The following EXOC4 variants were observed in gnomAD, a reference collection of about 807,000 sequenced individuals.
EXOC4 encodes the protein SEC8-like 1.
EXOC4 carries 71 observed loss-of-function variants against 107.2 expected under a neutral mutation model. The observed-to-expected ratio is 0.66, with a 90% CI of 0.55 to 0.81. EXOC4 has a LOEUF of 0.81. Among genes scored for constraint, EXOC4 ranks in the 30% least tolerant of loss-of-function variants. The probability of loss-of-function intolerance (pLI) is 0.00; values close to 1 mark genes in which losing one functional copy is unlikely to be tolerated. For synonymous variants in EXOC4, 456 were observed against 441.2 expected, an observed-to-expected ratio of 1.03 and a Z score of -0.42; for missense variants, 1,108 against 1,189.6, an observed-to-expected ratio of 0.93 and a Z score of 1.01.
intron 11 of EXOC4, among the ~76,000 whole-genome samples, chr7:133,851,386 G>A (rs1020094558): frequency 2.0e-5 from 3 of 152,214 alleles, no homozygotes; most frequent in African/African-American, 4.8e-5. Flanking sequence ...GCCTTGCTAT[G>A]TTACCCCAGC....
At chr7:133,956,082 G>A (rs896326932) in intron 14 of EXOC4, among the ~76,000 whole-genome samples, 16 of 152,212 alleles carry the variant, frequency 1.1e-4, no homozygotes, top group African/African-American at 2.9e-4. Flanking sequence ...GCCTGGGTCC[G>A]CAGCTGCAAC....
At chr7:133,566,582 C>G (rs1800910583) in intron 9 of EXOC4, among the ~76,000 whole-genome samples, 1 of 152,102 alleles carries the variant, frequency 6.6e-6, no homozygotes, top group Non-Finnish European at 1.5e-5. Flanking sequence ...GTTTTTGTGA[C>G]TAAGAAACAT....
At chr7:133,427,947 TGA>T (rs1454035789) in intron 7 of EXOC4, among the ~76,000 whole-genome samples, 1 of 152,230 alleles carries the variant, frequency 6.6e-6, no homozygotes. Context: ...CAGAAAAAGA[TGA>T]GAGACATAAC....
At chr7:133,770,096 C>G (rs1346643655) in intron 10 of EXOC4, among the ~76,000 whole-genome samples, 1 of 151,608 alleles carries the variant, frequency 6.6e-6, no homozygotes, top group Non-Finnish European at 1.5e-5. Context: ...TCCCCCATAG[C>G]TATTTCAGTA....
chr7:133,607,231 G>T (rs1044281080), intron 9 of EXOC4, among the ~76,000 whole-genome samples: 3 of 152,168 alleles, frequency 2.0e-5, no homozygotes, highest in African/African-American at 7.2e-5. Context: ...TAAATGGTTT[G>T]TATAGTTGAA....
In EXOC4 at chr7:133,317,292, TGAAA is replaced by T; in HGVS notation, c.668_671del (p.Lys223MetfsTer6). The T allele has an allele frequency of 6.2e-7, 1 of 1,612,560 alleles. No homozygotes were observed. The highest frequency in any genetic ancestry group is 8.5e-7 in the Non-Finnish European group (1 of 1,178,680). ...CTTCTTTTCCCGTTCAGCTCCCTCG[TGAAA>T]GATGCTTCTGTTCCTCTGATTGATG... On this transcript the variant is annotated frameshift_variant, in exon 5 of 18. Transcript: ENST00000253861. LOFTEE classifies it high-confidence loss of function.
chr7:133,747,784 C>T (rs1795709019), intron 10 of EXOC4, among the ~76,000 whole-genome samples: 1 of 152,092 alleles, frequency 6.6e-6, no homozygotes, highest in South Asian at 2.1e-4. Context: ...CTGTTGCTCC[C>T]CGCTCCTTCA....
intron 9 of EXOC4, 44 bp downstream of exon 9, chr7:133,480,182 G>C: frequency 6.2e-7 from 1 of 1,604,624 alleles, no homozygotes. Context: ...TTCTGGAGGA[G>C]TATTTCCTTT....
At chr7:133,635,513 T>A (rs1802686334) in intron 10 of EXOC4, among the ~76,000 whole-genome samples, 1 of 152,220 alleles carries the variant, frequency 6.6e-6, no homozygotes, top group Admixed American at 6.5e-5. Flanking sequence ...TGCTTGCACC[T>A]AACCAGAAGT....
chr7:133,629,517 G>GTT, intron 9 of EXOC4, among the ~76,000 whole-genome samples: 1 of 95,178 alleles, frequency 1.1e-5, no homozygotes, highest in East Asian at 3.7e-4. Flanking sequence ...TAAAAGTGCT[G>GTT]TTTTTTGTTT....
At chr7:133,934,834 C>G (rs1444669603) in intron 13 of EXOC4, among the ~76,000 whole-genome samples, 1 of 151,812 alleles carries the variant, frequency 6.6e-6, no homozygotes, top group African/African-American at 2.4e-5. Flanking sequence ...AAGGGAAATA[C>G]TGTAAATGTC....
intron 6 of EXOC4, among the ~76,000 whole-genome samples, chr7:133,358,801 C>T (rs1373028097): frequency 2.7e-5 from 4 of 150,908 alleles, no homozygotes; most frequent in African/African-American, 9.8e-5. Flanking sequence ...TTCCCCTTGC[C>T]TAAACCCCTT....
At chr7:134,059,007 G>C (rs1795993721) in intron 17 of EXOC4, among the ~76,000 whole-genome samples, 1 of 152,112 alleles carries the variant, frequency 6.6e-6, no homozygotes, top group Non-Finnish European at 1.5e-5. Flanking sequence ...ATGAGACGTA[G>C]CTGTATATTT....
chr7:133,623,438 A>G (rs1469754799), intron 9 of EXOC4, among the ~76,000 whole-genome samples: 6 of 152,212 alleles, frequency 3.9e-5, no homozygotes, highest in African/African-American at 1.2e-4. Context: ...ACTTGGTCTA[A>G]AAAGACATTC....
rs115827146 is a variant in EXOC4, at chr7:133,856,805, C to G, written c.1735-38794C>G. On this transcript the variant is annotated intron_variant, in intron 11 of 17. Coordinates refer to ENST00000253861, the MANE Select transcript of EXOC4 (RefSeq NM_021807.4). ...CCATAAATGCAATAGAGAAACAGAA[C>G]ACTTTAAAAAATATTACCTCCACTA... Among the ~76,000 whole-genome samples, 1,359 of 151,914 alleles carry G rather than the reference C, an allele frequency of 8.9e-3. 29 individuals carry two copies. The highest frequency in any genetic ancestry group is 0.032 in the African/African-American group (1,327 of 41,434).
At chr7:133,535,261 T>G (rs1365312612) in intron 9 of EXOC4, among the ~76,000 whole-genome samples, 1 of 152,150 alleles carries the variant, frequency 6.6e-6, no homozygotes, top group Non-Finnish European at 1.5e-5. Flanking sequence ...GTAAGTGACT[T>G]GTCCAAAGTT....
chr7:133,519,395 C>T (rs1166158652), intron 9 of EXOC4, among the ~76,000 whole-genome samples: 1 of 151,976 alleles, frequency 6.6e-6, no homozygotes, highest in Non-Finnish European at 1.5e-5. Context: ...TGCGCTCCAG[C>T]CCGGGCAACA....
At chr7:133,805,115 A>G (rs973458334) in intron 10 of EXOC4, among the ~76,000 whole-genome samples, 2 of 152,220 alleles carry the variant, frequency 1.3e-5, no homozygotes. Context: ...CTTAATTCTA[A>G]AAGAGAAAAA....
intron 7 of EXOC4, among the ~76,000 whole-genome samples, chr7:133,433,775 A>C (rs1233639845): frequency 6.6e-6 from 1 of 152,212 alleles, no homozygotes; most frequent in Non-Finnish European, 1.5e-5. Context: ...GGTTACTGGC[A>C]AAACTGTTCA....
Sources: allele counts gnomAD v4.1 joint callset (sites outside exome capture counted in the v4.1 genomes callset), GRCh38; gene constraint gnomAD v4.1.1; transcripts MANE v1.5; gene names NCBI Gene and HGNC (gene_info 2026-07-23, HGNC 2026-07-21).